Variants in PRKG1 observed in about 807,000 individuals in gnomAD.
PRKG1 encodes cGMP-dependent protein kinase 1.
PRKG1 carries 35 observed loss-of-function variants against 88.1 expected under a neutral mutation model. That is an observed-to-expected ratio of 0.40 (90% confidence interval 0.30 to 0.53). The LOEUF (loss-of-function observed/expected upper bound fraction) is 0.53, where lower values mean the gene tolerates loss of function less well. Ranked by LOEUF, PRKG1 falls within the 20% of genes least tolerant of loss-of-function variation. The pLI is 0.59. For synonymous variants in PRKG1, 303 were observed against 292.5 expected (o/e 1.04, Z -0.37); for missense variants, 540 against 839.8 (o/e 0.64, Z 4.41).
At chr10:52,182,934 G>T (rs1251899735) in intron 9 of PRKG1, among the ~76,000 whole-genome samples, 2 of 152,124 alleles carry the variant, frequency 1.3e-5, no homozygotes, top group Non-Finnish European at 2.9e-5. Flanking sequence ...TTTTAGTGAG[G>T]CCTCAGGAAA....
intron 3 of PRKG1, 122 bp from the exon 4 acceptor site, chr10:51,804,463 T>C (rs1839253625): frequency 7.3e-6 from 5 of 682,520 alleles, no homozygotes; most frequent in Non-Finnish European, 1.2e-5. Context: ...TTTAAATGTT[T>C]GTAAAAAGTC....
intron 8 of PRKG1, among the ~76,000 whole-genome samples, chr10:52,138,879 A>G (rs1208804149): frequency 6.6e-6 from 1 of 152,116 alleles, no homozygotes; most frequent in Non-Finnish European, 1.5e-5. Flanking sequence ...TTCATGCCAT[A>G]TATTTAAAAA....
At chr10:51,531,285 G>T (rs1172938124) in intron 3 of PRKG1, among the ~76,000 whole-genome samples, 2 of 152,124 alleles carry the variant, frequency 1.3e-5, no homozygotes, top group Non-Finnish European at 2.9e-5. Flanking sequence ...AGGAACTATG[G>T]TAACTTTTTA....
intron 4 of PRKG1, among the ~76,000 whole-genome samples, chr10:51,887,144 C>T (rs1333260134): frequency 6.6e-6 from 1 of 152,052 alleles, no homozygotes; most frequent in African/African-American, 2.4e-5. Flanking sequence ...CACACCATGC[C>T]CAGTTAATTT....
At chr10:51,865,395 TGAA>T (rs1840987955) in intron 4 of PRKG1, among the ~76,000 whole-genome samples, 2 of 150,050 alleles carry the variant, frequency 1.3e-5, no homozygotes, top group African/African-American at 5.0e-5. Flanking sequence ...TTTCTAATAG[TGAA>T]GAATATTTTT....
chr10:51,006,602 T>C (rs549166888), intron 1 of PRKG1, among the ~76,000 whole-genome samples: 1 of 152,348 alleles, frequency 6.6e-6, no homozygotes, highest in Non-Finnish European at 1.5e-5. Flanking sequence ...CGGAGTAATT[T>C]CCTGAATCAC....
Position 51,527,509 on chromosome 10 carries a change from A to G in PRKG1, c.592+59673A>G, listed in dbSNP as rs558660952. 1.1e-4 allele frequency among the ~76,000 whole-genome samples: 17 copies of G among 152,296 alleles called. No homozygotes were observed. In the South Asian group the frequency reaches 3.5e-3, roughly 32 times the overall value. On this transcript the variant is annotated intron_variant, in intron 3 of 17. Transcript: ENST00000373980. The stretch of plus-strand genomic sequence containing the variant: ...ATGAATAAATTGTTAGAGAAGGATA[A>G]AAGTCTATTTCAAGGGGAAAAAAAA...
intron 7 of PRKG1, among the ~76,000 whole-genome samples, chr10:52,093,799 C>T (rs1321067967): frequency 6.6e-6 from 1 of 152,080 alleles, no homozygotes; most frequent in African/African-American, 2.4e-5. Flanking sequence ...TGTTATATAT[C>T]ATGTGGGAAG....
rs142766996 is a variant in PRKG1, at chr10:51,714,283, C to T, written c.593-90302C>T. On this transcript the variant is annotated intron_variant, in intron 3 of 17. Coordinates refer to ENST00000373980, the MANE Select transcript of PRKG1 (RefSeq NM_006258.4). The stretch of plus-strand genomic sequence containing the variant: ...GTGAGCCACTGCTCCCGGCCTATTG[C>T]TTTTATTTTTTACACTTATATAGGG... 4.4e-3 allele frequency among the ~76,000 whole-genome samples: 677 copies of T among 152,206 alleles called. 1 individual carries two copies. Among genetic ancestry groups the T allele is most frequent in the African/African-American group, 0.016 (655 of 41,550 alleles).
At chr10:51,880,720 T>C (rs1240484803) in intron 4 of PRKG1, among the ~76,000 whole-genome samples, 1 of 152,132 alleles carries the variant, frequency 6.6e-6, no homozygotes, top group African/African-American at 2.4e-5. Context: ...CACACTGATT[T>C]CCCACAAATG....
At position 52,278,362 on chromosome 10, in the gene PRKG1, G is replaced by A. The variant is rs188529086; in HGVS notation, c.1404-2427G>A. 1.5e-4 allele frequency among the ~76,000 whole-genome samples: 23 copies of A among 152,260 alleles called. No individual in the cohort carries two copies. In the East Asian group the frequency reaches 4.3e-3, roughly 28 times the overall value. Reference sequence around the variant, plus strand: ...GAAATAGGAATGCTTTTACACTGTTGGTGGAAGTGTACATTAATTCAACCA... The same window carrying A: ...GAAATAGGAATGCTTTTACACTGTTAGTGGAAGTGTACATTAATTCAACCA... On this transcript the variant is annotated intron_variant, in intron 12 of 17. Transcript: ENST00000373980.
chr10:51,304,058 G>C (rs1023997297), intron 2 of PRKG1, among the ~76,000 whole-genome samples: 8 of 152,090 alleles, frequency 5.3e-5, no homozygotes, highest in African/African-American at 1.2e-4. Flanking sequence ...GACACCAGGT[G>C]ATCTGCCCAC....
chr10:51,011,344 G>C (rs1209752647), intron 1 of PRKG1, among the ~76,000 whole-genome samples: 2 of 152,176 alleles, frequency 1.3e-5, no homozygotes. Context: ...CTGACCACCA[G>C]TTAGGGCAAC....
At chr10:51,333,526 T>C (rs904670171) in intron 2 of PRKG1, among the ~76,000 whole-genome samples, 7 of 152,194 alleles carry the variant, frequency 4.6e-5, no homozygotes, top group African/African-American at 1.2e-4. Context: ...GTCTTCTGAC[T>C]GTGGAGAGAA....
intron 2 of PRKG1, among the ~76,000 whole-genome samples, chr10:51,441,548 A>T (rs1308912797): frequency 6.6e-6 from 1 of 151,858 alleles, no homozygotes. Flanking sequence ...GAGAGGTGGG[A>T]GTGACTTTGC....
chr10:52,036,755 C>A (rs1357259767), intron 5 of PRKG1, among the ~76,000 whole-genome samples: 1 of 152,068 alleles, frequency 6.6e-6, no homozygotes, highest in East Asian at 1.9e-4. Flanking sequence ...GGGAACTGGG[C>A]AGGTGGGGAT....
intron 9 of PRKG1, among the ~76,000 whole-genome samples, chr10:52,167,820 G>T (rs1048113408): frequency 1.7e-4 from 26 of 152,244 alleles, no homozygotes; most frequent in Non-Finnish European, 3.8e-4. Context: ...CCTTCAATGG[G>T]AAGTTCTGAC....
chr10:51,926,377 C>T (rs938223478), intron 5 of PRKG1, among the ~76,000 whole-genome samples: 3 of 152,050 alleles, frequency 2.0e-5, no homozygotes, highest in Non-Finnish European at 4.4e-5. Context: ...ATATTTGACC[C>T]GTAGCAGAAT....
In PRKG1 at chr10:52,280,896, A is replaced by G. The variant is rs1841989755; in HGVS notation, c.1511A>G (p.Asn504Ser). Residue 504 changes from asparagine to serine, a missense_variant, in exon 13 of 18, where the codon AAT (asparagine) becomes AGT (serine). Physicochemically the swap from Asn to Ser is conservative, Grantham distance 46. This residue lies in a region of PRKG1 where 97 missense variants were observed against 210.6 expected (regional missense o/e 0.46). Coordinates refer to ENST00000373980, the MANE Select transcript of PRKG1 (RefSeq NM_006258.4). ...GIIYRDLKPENLILDHRGYAK... is the reference protein window; with the variant it reads ...GIIYRDLKPESLILDHRGYAK... ...ATTTACAGGGACCTCAAGCCAGAAA[A>G]TCTCATCCTAGATCACCGAGGTTAT... 6.2e-7 allele frequency: 1 copy of G among 1,613,512 alleles called. No homozygotes were observed.
Sources: gnomAD v4.1 joint callset for allele counts (sites outside exome capture counted in the v4.1 genomes callset) on GRCh38, gnomAD v4.1.1 for gene constraint, gnomAD v4.1.1 regional missense constraint, MANE v1.5 for transcripts, NCBI Gene and HGNC (gene_info 2026-07-23, HGNC 2026-07-21) for gene names.